The following C12orf75 variants were observed in gnomAD, a reference collection of about 807,000 sequenced individuals.
C12orf75 encodes overexpressed in colon carcinoma 1 protein.
In C12orf75, 4 loss-of-function variants were observed where a neutral mutation model predicts 11.4. The observed-to-expected ratio is 0.35, with a 90% CI of 0.17 to 0.80. The LOEUF is 0.80. C12orf75 is among the 30% of genes least tolerant of loss of function. The probability of loss-of-function intolerance (pLI) is 0.52; values close to 1 mark genes in which losing one functional copy is unlikely to be tolerated. For synonymous variants in C12orf75, 30 were observed against 30.0 expected (o/e 1.00, Z 0.00); for missense variants, 89 against 80.4 (o/e 1.11, Z -0.41).
rs189405236 is a variant in C12orf75 at position 105,342,698 on chromosome 12, T to C, written c.47-5904T>C. Reference sequence around the variant, plus strand: ...GCAAACAGCCCCCATCCTGAAGCCATATAGGGGCTTGGCCAAGAGTCATCT... The same window carrying C: ...GCAAACAGCCCCCATCCTGAAGCCACATAGGGGCTTGGCCAAGAGTCATCT... On this transcript the variant is annotated intron_variant, in intron 1 of 5. Coordinates refer to ENST00000443585, the MANE Select transcript of C12orf75 (RefSeq NM_001145199.2). 4.6e-5 allele frequency among the ~76,000 whole-genome samples: 7 copies of C among 152,264 alleles called. No homozygotes were observed. The East Asian group carries it at 1.4e-3, about 29-fold the overall frequency.
At chr12:105,356,719 A>G (rs1245370113) in intron 2 of C12orf75, among the ~76,000 whole-genome samples, 1 of 152,160 alleles carries the variant, frequency 6.6e-6, no homozygotes, top group Non-Finnish European at 1.5e-5. Flanking sequence ...TTTCACTGTT[A>G]AAATCTTTAG....
chr12:105,332,735 TAA>T (rs34772007), intron 1 of C12orf75, among the ~76,000 whole-genome samples: 186 of 138,928 alleles, frequency 1.3e-3, no homozygotes, highest in Non-Finnish European at 1.4e-3. Context: ...CCGCTCCATC[TAA>T]AAAAAAAAAA....
chr12:105,331,009 C>G (rs1330889609), intron 1 of C12orf75, 72 bp downstream of exon 1: 1 of 960,912 alleles, frequency 1.0e-6, no homozygotes, highest in Non-Finnish European at 1.3e-6. Context: ...GTGCAGGGAT[C>G]TTGGGTGGGG....
chr12:105,347,039 C>A (rs1247278922), intron 1 of C12orf75, among the ~76,000 whole-genome samples: 1 of 152,020 alleles, frequency 6.6e-6, no homozygotes, highest in Non-Finnish European at 1.5e-5. Flanking sequence ...TACCTTTTAC[C>A]CTCATTTGAC....
At chr12:105,361,703 G>T (rs1250181662) in intron 2 of C12orf75, among the ~76,000 whole-genome samples, 1 of 152,078 alleles carries the variant, frequency 6.6e-6, no homozygotes, top group East Asian at 1.9e-4. Context: ...GCTAAAGCTT[G>T]TGCAGGTGGG....
intron 2 of C12orf75, among the ~76,000 whole-genome samples, chr12:105,363,678 T>C (rs1892905257): frequency 6.6e-6 from 1 of 151,638 alleles, no homozygotes; most frequent in Admixed American, 6.6e-5. Flanking sequence ...GGAGCCGAGA[T>C]TGTGCCACTG....
chr12:105,332,737 A>G (rs1412847795), intron 1 of C12orf75, among the ~76,000 whole-genome samples: 1 of 37,110 alleles, frequency 2.7e-5, no homozygotes, highest in Non-Finnish European at 7.4e-5. Context: ...GCTCCATCTA[A>G]AAAAAAAAAA....
At position 105,365,800 on chromosome 12, in the gene C12orf75, C is replaced by A. The variant is rs1398382307; in HGVS notation, c.72-7C>A. ...GTGTCTCATAGCAAATGTTTCTGAC[C>A]TTTTAGAACAGAAGAATCCGTAACA... On this transcript the variant is annotated splice_region_variant and splice_polypyrimidine_tract_variant and intron_variant, in intron 2 of 5. Transcript: ENST00000443585. 6.5e-7 allele frequency: 1 copy of A among 1,546,256 alleles called. No homozygotes were observed. The highest frequency in any genetic ancestry group is 1.2e-5 in the South Asian group (1 of 83,920).
intron 1 of C12orf75, among the ~76,000 whole-genome samples, chr12:105,339,969 A>G (rs1190726417): frequency 6.6e-6 from 1 of 152,096 alleles, no homozygotes; most frequent in African/African-American, 2.4e-5. Context: ...AGACTTTGGC[A>G]TTTGGGAGGA....
At chr12:105,359,754 G>GAGCC (rs1364468617) in intron 2 of C12orf75, among the ~76,000 whole-genome samples, 1 of 142,110 alleles carries the variant, frequency 7.0e-6, no homozygotes, top group Non-Finnish European at 1.5e-5. Context: ...TGGGGCAAAA[G>GAGCC]AGCCAGACTC....
At chr12:105,338,326 C>G (rs1383391281) in intron 1 of C12orf75, among the ~76,000 whole-genome samples, 1 of 152,126 alleles carries the variant, frequency 6.6e-6, no homozygotes, top group Non-Finnish European at 1.5e-5. Context: ...AGGCATGCAC[C>G]ACCGCACCCA....
At chr12:105,363,152 G>C (rs954075869) in intron 2 of C12orf75, among the ~76,000 whole-genome samples, 1 of 152,242 alleles carries the variant, frequency 6.6e-6, no homozygotes, top group Non-Finnish European at 1.5e-5. Context: ...ATGCTTGTTA[G>C]TCTTGTATGT....
At chr12:105,364,010 C>T (rs992733112) in intron 2 of C12orf75, among the ~76,000 whole-genome samples, 6 of 152,060 alleles carry the variant, frequency 3.9e-5, no homozygotes, top group Admixed American at 1.3e-4. Context: ...TCCTTAAGCA[C>T]AGTTAAGCAA....
At chr12:105,348,364 G>A (rs950211635) in intron 1 of C12orf75, among the ~76,000 whole-genome samples, 1 of 149,216 alleles carries the variant, frequency 6.7e-6, no homozygotes, top group Non-Finnish European at 1.5e-5. Context: ...GCAGTGAGCC[G>A]AGATTGCATC....
At chr12:105,354,715 T>G (rs76981528) in intron 2 of C12orf75, among the ~76,000 whole-genome samples, 1,867 of 152,234 alleles carry the variant, frequency 0.012, 50 homozygotes, top group African/African-American at 0.042. Context: ...GTAGCCATGA[T>G]GAGATTTTCC....
At chr12:105,364,925 T>G (rs1474716262) in intron 2 of C12orf75, among the ~76,000 whole-genome samples, 1 of 139,658 alleles carries the variant, frequency 7.2e-6, no homozygotes, top group African/African-American at 2.7e-5. Flanking sequence ...CACTGCAACC[T>G]CCACCTCCCG....
Position 105,356,318 on chromosome 12 carries a change from A to G in C12orf75, c.71+7692A>G, listed in dbSNP as rs187594339. On this transcript the variant is annotated intron_variant, in intron 2 of 5. Coordinates refer to ENST00000443585, the MANE Select transcript of C12orf75 (RefSeq NM_001145199.2). ...GAAGGTTATCATGAATGGTAACTAG[A>G]AACAGATCAGGAGAGCCATGGTCTC... 2.6e-4 allele frequency among the ~76,000 whole-genome samples: 40 copies of G among 152,306 alleles called. No homozygotes were observed. In the East Asian group the frequency reaches 5.6e-3, roughly 21 times the overall value.
intron 1 of C12orf75, among the ~76,000 whole-genome samples, chr12:105,332,536 A>G (rs1342402802): frequency 6.6e-6 from 1 of 152,088 alleles, no homozygotes; most frequent in Non-Finnish European, 1.5e-5. Flanking sequence ...ACTCGAGACC[A>G]GTGTAACCAA....
At chr12:105,358,735 C>G (rs1309428009) in intron 2 of C12orf75, among the ~76,000 whole-genome samples, 1 of 152,184 alleles carries the variant, frequency 6.6e-6, no homozygotes, top group Non-Finnish European at 1.5e-5. Context: ...CATGCTTACC[C>G]TGGAAAAACA....
Sources: gnomAD v4.1 joint callset for allele counts (sites outside exome capture counted in the v4.1 genomes callset) on GRCh38, gnomAD v4.1.1 for gene constraint, MANE v1.5 for transcripts, NCBI Gene and HGNC (gene_info 2026-07-23, HGNC 2026-07-21) for gene names.